Variants in MAP3K20 observed in about 807,000 individuals in gnomAD.
MAP3K20 encodes the protein mitogen-activated protein kinase kinase kinase 20.
MAP3K20 carries 40 observed loss-of-function variants against 85.7 expected under a neutral mutation model. The observed-to-expected ratio is 0.47, with a 90% CI of 0.36 to 0.61. The LOEUF (loss-of-function observed/expected upper bound fraction) is 0.61, where lower values mean the gene tolerates loss of function less well. MAP3K20 is among the 20% of genes least tolerant of loss of function. The pLI, the probability that MAP3K20 is intolerant of heterozygous loss-of-function variation, is 0.00. For synonymous variants in MAP3K20, 325 were observed against 327.7 expected, an observed-to-expected ratio of 0.99 and a Z score of 0.09; for missense variants, 817 against 961.7, an observed-to-expected ratio of 0.85 and a Z score of 1.99.
intron 2 of MAP3K20, among the ~76,000 whole-genome samples, chr2:173,094,751 T>C (rs1687411270): frequency 6.6e-6 from 1 of 152,224 alleles, no homozygotes; most frequent in Non-Finnish European, 1.5e-5. Context: ...TGGTGTGTCT[T>C]AATGGGTGTC....
At chr2:173,105,974 A>G (rs1331836428) in intron 2 of MAP3K20, among the ~76,000 whole-genome samples, 1 of 152,234 alleles carries the variant, frequency 6.6e-6, no homozygotes, top group Non-Finnish European at 1.5e-5. Flanking sequence ...ATGCTGAAGG[A>G]TAAATTTAAC....
chr2:173,207,372 G>A (rs1284544302), intron 9 of MAP3K20, among the ~76,000 whole-genome samples: 4 of 152,240 alleles, frequency 2.6e-5, no homozygotes, highest in Non-Finnish European at 5.9e-5. Context: ...CGTTCCTGTA[G>A]TCCCAGCTAC....
At chr2:173,177,693 G>C (rs1574081518) in intron 3 of MAP3K20, among the ~76,000 whole-genome samples, 1 of 152,138 alleles carries the variant, frequency 6.6e-6, no homozygotes, top group Non-Finnish European at 1.5e-5. Flanking sequence ...GCCTCCCAAA[G>C]TGTTGGGATT....
chr2:173,133,882 T>G (rs1302821781), intron 2 of MAP3K20, among the ~76,000 whole-genome samples: 1 of 151,062 alleles, frequency 6.6e-6, no homozygotes, highest in Non-Finnish European at 1.5e-5. Context: ...TCCCAGCTAC[T>G]TGGGAGGCTG....
chr2:173,246,059 G>A (rs754409544), intron 16 of MAP3K20, among the ~76,000 whole-genome samples: 3 of 151,978 alleles, frequency 2.0e-5, no homozygotes, highest in South Asian at 4.1e-4. Context: ...TTATTCCTTC[G>A]TACTTCTGGT....
At chr2:173,128,840 T>A (rs187972372) in intron 2 of MAP3K20, among the ~76,000 whole-genome samples, 225 of 151,988 alleles carry the variant, frequency 1.5e-3, no homozygotes, top group African/African-American at 5.1e-3. Context: ...TTTTAAAATT[T>A]AAAAATTTCA....
intron 11 of MAP3K20, among the ~76,000 whole-genome samples, chr2:173,220,080 G>GAAAAAAAAAAAA (rs76443589): frequency 4.7e-4 from 40 of 85,466 alleles, no homozygotes; most frequent in East Asian, 3.1e-3. Flanking sequence ...AAAAAAAAAG[G>GAAAAAAAAAAAA]AAACTGATCC....
At position 173,238,395 on chromosome 2, in the gene MAP3K20, A is replaced by G. The variant is rs758130751; in HGVS notation, c.1226A>G (p.His409Arg). The change falls in exon 15 of 20, where the codon CAT becomes CGT. Residue 409 changes from histidine to arginine, a missense_variant. Physicochemically the swap from His to Arg is conservative, Grantham distance 29. Coordinates refer to ENST00000375213, the MANE Select transcript of MAP3K20 (RefSeq NM_016653.3). ...HFKSAIEKLT[H>R]DYINLFHFPP... The stretch of plus-strand genomic sequence containing the variant: ...CAGTCAGCCATTGAGAAATTAACCC[A>G]TGATTACATAAATTTGTTTCACTTC... 1 of 1,613,156 alleles carries G rather than the reference A, an allele frequency of 6.2e-7. No individual in the cohort carries two copies. The highest frequency in any genetic ancestry group is 1.1e-5 in the South Asian group (1 of 90,830).
At chr2:173,167,006 G>A (rs963026500) in intron 2 of MAP3K20, among the ~76,000 whole-genome samples, 4 of 139,178 alleles carry the variant, frequency 2.9e-5, no homozygotes, top group Non-Finnish European at 6.0e-5. Context: ...TCCGCCTCCC[G>A]GGTTCACGCC....
At chr2:173,156,261 G>A (rs1574063995) in intron 2 of MAP3K20, among the ~76,000 whole-genome samples, 1 of 152,252 alleles carries the variant, frequency 6.6e-6, no homozygotes, top group East Asian at 1.9e-4. Context: ...ACTCTATCTT[G>A]TTTAAAGCAC....
chr2:173,087,410 G>GT (rs1687173000), intron 1 of MAP3K20, among the ~76,000 whole-genome samples: 1 of 152,172 alleles, frequency 6.6e-6, no homozygotes, highest in Non-Finnish European at 1.5e-5. Context: ...GCAGTTCCTC[G>GT]TGTGTGTATG....
intron 2 of MAP3K20, among the ~76,000 whole-genome samples, chr2:173,112,375 T>G (rs1337208907): frequency 2.6e-5 from 4 of 152,186 alleles, no homozygotes; most frequent in African/African-American, 9.7e-5. Flanking sequence ...TGACTTCCTC[T>G]TCACTGATTT....
At chr2:173,190,984 A>T in intron 6 of MAP3K20, 56 bp from the exon 7 acceptor site, 1 of 1,609,112 alleles carries the variant, frequency 6.2e-7, no homozygotes, top group Non-Finnish European at 8.5e-7. Flanking sequence ...TTTGTAACTG[A>T]TAATCCCTTA....
rs1424900566 is a variant in MAP3K20, at chr2:173,110,221, ATATATATATATATATATATATTTTTTT to A, written c.159+19033_159+19059del. Among the ~76,000 whole-genome samples the A allele has an allele frequency of 6.9e-3, 53 of 7,720 alleles. 2 individuals carry two copies. Among genetic ancestry groups the A allele is most frequent in the African/African-American group, 0.02 (50 of 2,512 alleles). The allele number at this position is 7,720 out of a possible 152,430, so 5.1% of individuals were successfully genotyped here. A position where few individuals can be genotyped will look rare whatever the true frequency, so the allele number is the denominator to read the frequency against. On this transcript the variant is annotated intron_variant, in intron 2 of 19. Transcript: ENST00000375213. ...TATACATATATATATATATATATATATATATATATATATATATATATTTTTTTTTTTTTTTTTTTTTTTTTTTTTTGA... is the reference window on the plus strand; with the variant it reads ...TATACATATATATATATATATATATATTTTTTTTTTTTTTTTTTTTTTTGA...
intron 18 of MAP3K20, among the ~76,000 whole-genome samples, chr2:173,261,925 G>A (rs1412112952): frequency 6.6e-6 from 1 of 151,934 alleles, no homozygotes; most frequent in African/African-American, 2.4e-5. Context: ...GTTGAAGTCG[G>A]GGGATTGCTT....
At chr2:173,229,827 A>C (rs1574139127) in intron 12 of MAP3K20, 94 bp downstream of exon 12, 1 of 1,380,208 alleles carries the variant, frequency 7.2e-7, no homozygotes, top group East Asian at 2.3e-5. Flanking sequence ...GCCTTAGGAA[A>C]GTCTAACTAG....
chr2:173,232,472 G>A lies in MAP3K20; in HGVS notation c.1203+13G>A. 4 of 1,609,018 alleles carry A rather than the reference G, an allele frequency of 2.5e-6. No individual in the cohort carries two copies. Among genetic ancestry groups the A allele is most frequent in the Non-Finnish European group, 3.4e-6 (4 of 1,178,530 alleles). ...CATTCACTTCAAGGTACCTGAGAAA[G>A]GGACAACATTCCATCAGCAAACCCT... On this transcript the variant is annotated intron_variant, in intron 14 of 19. Transcript: ENST00000375213.
At chr2:173,150,684 G>T (rs1273114272) in intron 2 of MAP3K20, among the ~76,000 whole-genome samples, 1 of 152,130 alleles carries the variant, frequency 6.6e-6, no homozygotes, top group Non-Finnish European at 1.5e-5. Context: ...TCCTGCTTCA[G>T]CCTCCTGGGT....
In MAP3K20 at chr2:173,254,333, C is replaced by G. The variant is rs564630723; in HGVS notation, c.1360-4366C>G. On this transcript the variant is annotated intron_variant, in intron 16 of 19. Transcript: ENST00000375213. ...GTCCCAGCTACTCTGAATCTGAAGG[C>G]TGAGGCAGGAGAATGGTGTGAACCT... 7.4e-4 allele frequency among the ~76,000 whole-genome samples: 111 copies of G among 150,702 alleles called. 1 individual carries two copies. The highest frequency in any genetic ancestry group is 1.5e-3 in the South Asian group (7 of 4,792).
Sources: gnomAD v4.1 joint callset for allele counts (sites outside exome capture counted in the v4.1 genomes callset) on GRCh38, gnomAD v4.1.1 for gene constraint, MANE v1.5 for transcripts, NCBI Gene and HGNC (gene_info 2026-07-23, HGNC 2026-07-21) for gene names.